The following PCF11 variants were observed in gnomAD, a reference collection of about 807,000 sequenced individuals.
PCF11 encodes pre-mRNA cleavage complex 2 protein Pcf11.
PCF11 carries 19 observed loss-of-function variants against 166.1 expected under a neutral mutation model. That is an observed-to-expected ratio of 0.11 (90% CI 0.08 to 0.17). The LOEUF (loss-of-function observed/expected upper bound fraction) is 0.17, where lower values mean the gene tolerates loss of function less well. Ranked by LOEUF, PCF11 falls within the 10% of genes least tolerant of loss-of-function variation. The pLI is 1.00. For synonymous variants in PCF11, 663 were observed against 644.1 expected (o/e 1.03, Z -0.44); for missense variants, 1,565 against 1,855.5 (o/e 0.84, Z 2.88).
exon 5 of PCF11, chr11:83,166,570 T>C (rs780763465): frequency 6.2e-7 from 1 of 1,613,760 alleles, no homozygotes. Flanking sequence ...CCAAGGCGAA[T>C]GAAAAAGACT....
Position 83,157,487 on chromosome 11 carries a change from G to C in PCF11, c.48G>C (p.Glu16Asp), listed in dbSNP as rs780116200. ...AGGCCGGTGCTGCGGGGGCCCGGGAGGACGCCTGTCGGGATTATCAGTCAT... is the reference window on the plus strand; with the variant it reads ...AGGCCGGTGCTGCGGGGGCCCGGGACGACGCCTGTCGGGATTATCAGTCAT... The change falls in exon 1 of 16, where the codon GAG (glutamate) becomes GAC (aspartate). Residue 16 changes from glutamate to aspartate, a missense_variant. This residue lies in a region of PCF11 where 29 missense variants were observed against 24.1 expected (regional missense o/e 1.21). Coordinates refer to ENST00000298281, the Ensembl canonical transcript of PCF11. The C allele has an allele frequency of 1.3e-5, 21 of 1,613,450 alleles. No individual in the cohort carries two copies. The East Asian group carries it at 2.9e-4, about 22-fold the overall frequency.
At position 83,177,214 on chromosome 11, in the gene PCF11, A is replaced by AT; in HGVS notation, c.3877+14dup. On this transcript the variant is annotated intron_variant, in intron 10 of 15. Coordinates refer to ENST00000298281, the Ensembl canonical transcript of PCF11. ...GATTCAGCTACAACACGTAAGTGTGATTTTATACTTAAATTTACACAAAGC... is the reference window on the plus strand; with the variant it reads ...GATTCAGCTACAACACGTAAGTGTGATTTTTATACTTAAATTTACACAAAGC... 6.6e-7 allele frequency: 1 copy of AT among 1,522,448 alleles called. No individual in the cohort carries two copies. Among genetic ancestry groups the AT allele is most frequent in the Non-Finnish European group, 8.8e-7 (1 of 1,135,472 alleles). 94.3% of individuals were successfully genotyped at this position (1,522,448 alleles called of 1,614,324 possible).
chr11:83,174,551 A>ATT (rs570113907), intron 9 of PCF11, among the ~76,000 whole-genome samples: 1 of 146,622 alleles, frequency 6.8e-6, no homozygotes, highest in African/African-American at 2.5e-5. Flanking sequence ...AAGGCTATTG[A>ATT]TTTTTTTTTT....
chr11:83,167,955 T>G lies in PCF11; in HGVS notation c.2092+450T>G, dbSNP rs909702886. 15 of 1,209,316 alleles carry G rather than the reference T, an allele frequency of 1.2e-5. No individual in the cohort carries two copies. Among genetic ancestry groups the G allele is most frequent in the Admixed American group, 2.9e-5 (1 of 34,058 alleles). The allele number at this position is 1,209,316 out of a possible 1,614,324, so 74.9% of individuals were successfully genotyped here. A position where few individuals can be genotyped will look rare whatever the true frequency, so the allele number is the denominator to read the frequency against. On this transcript the variant is annotated intron_variant, in intron 7 of 15. Transcript: ENST00000298281. The surrounding 1 kb of genome is among the most constrained non-coding windows in gnomAD (Gnocchi z 4.2). Reference sequence around the variant, plus strand: ...GAATCACACAGCAGTGAAGGGAAAATGAACAAGCTAAGTGGGGATGGATTT... The same window carrying G: ...GAATCACACAGCAGTGAAGGGAAAAGGAACAAGCTAAGTGGGGATGGATTT...
At chr11:83,177,859 C>A in intron 11 of PCF11, 40 bp downstream of exon 11, 1 of 889,748 alleles carries the variant, frequency 1.1e-6, no homozygotes, top group Non-Finnish European at 1.8e-6. Context: ...GAGGCAGTGA[C>A]TTTAATAACA....
exon 1 of PCF11, chr11:83,157,179 C>G: frequency 7.0e-6 from 4 of 575,118 alleles, no homozygotes; most frequent in South Asian, 2.2e-5. Flanking sequence ...CTGGAGCCGC[C>G]ACTGCCGCCG....
At chr11:83,168,374 A>C (rs1010926231) in intron 7 of PCF11, 54 bp from the exon 8 acceptor site, 4 of 1,444,598 alleles carry the variant, frequency 2.8e-6, no homozygotes, top group Non-Finnish European at 3.7e-6. Context: ...TTCATACGAA[A>C]ATAGAAGATT....
chr11:83,157,292 GTCCCCCA>G, exon 1 of PCF11: 3 of 682,506 alleles, frequency 4.4e-6, no homozygotes, highest in Non-Finnish European at 7.3e-6. Context: ...CCCCTGTGTC[GTCCCCCA>G]TCCCCCCTCC....
chr11:83,168,831 G>C lies in PCF11; in HGVS notation c.2496G>C (p.Leu832=). Residue 832 remains leucine (L), a synonymous_variant, in exon 8 of 16, where the codon CTG becomes CTC. Transcript: ENST00000298281. ...CTCCAGGACCAGTGGGGACACCTCT[G>C]CGGTTTGAGGGCCCAATTGGTCAAG... 4 of 1,613,782 alleles carry C rather than the reference G, an allele frequency of 2.5e-6. 1 individual carries two copies. The highest frequency in any genetic ancestry group is 2.5e-6 in the Non-Finnish European group (3 of 1,179,858).
exon 8 of PCF11, chr11:83,168,584 C>G (rs367841596): frequency 4.8e-5 from 77 of 1,613,808 alleles, no homozygotes; most frequent in Non-Finnish European, 6.1e-5. Context: ...GAAGACAGAC[C>G]GTTATTTGAT....
rs1047132404 is a variant in PCF11, at chr11:83,164,058, T to C, written c.508-149T>C. The C allele has an allele frequency of 2.5e-4, 151 of 615,348 alleles. No individual in the cohort carries two copies. The East Asian group carries it at 3.0e-3, about 12-fold the overall frequency. The allele number at this position is 615,348 out of a possible 1,614,324, so 38.1% of individuals were successfully genotyped here. A position where few individuals can be genotyped will look rare whatever the true frequency, so the allele number is the denominator to read the frequency against. On this transcript the variant is annotated intron_variant, in intron 3 of 15. Transcript: ENST00000298281. ...ATATATTCACCTTGTTTAGGTATTA[T>C]GTAACATTTATTTTGGGTTTTAAAT...
intron 8 of PCF11, among the ~76,000 whole-genome samples, chr11:83,170,971 C>T (rs968504805): frequency 3.3e-5 from 5 of 152,178 alleles, no homozygotes; most frequent in African/African-American, 1.2e-4. Flanking sequence ...GACAGATACT[C>T]TAGAATGGTA....
Position 83,167,574 on chromosome 11 carries a change from C to A in PCF11, c.2092+69C>A. On this transcript the variant is annotated intron_variant, in intron 7 of 15. Transcript: ENST00000298281. The surrounding 1 kb of genome is among the most constrained non-coding windows in gnomAD (Gnocchi z 4.2). ...TAAAGGTGGATTAAAAAAGAAACCT[C>A]TCTTATCTGATGCTGAATTAACCTA... The A allele has an allele frequency of 6.4e-7, 1 of 1,558,172 alleles. No homozygotes were observed. Among genetic ancestry groups the A allele is most frequent in the East Asian group, 2.4e-5 (1 of 42,044 alleles).
chr11:83,170,031 A>G, intron 8 of PCF11, 36 bp downstream of exon 8: 2 of 1,495,942 alleles, frequency 1.3e-6, no homozygotes, highest in Middle Eastern at 1.9e-4. Context: ...TTGTATGCAG[A>G]TAAGTTAACC....
At chr11:83,168,471 A>G (rs376110181) in exon 8 of PCF11, 1,006 of 1,611,256 alleles carry the variant, frequency 6.2e-4, no homozygotes, top group Non-Finnish European at 8.0e-4. Flanking sequence ...ATCGTTTTCC[A>G]CTTAAGCGAC....
At chr11:83,169,243 G>A in exon 8 of PCF11, 1 of 1,613,868 alleles carries the variant, frequency 6.2e-7, no homozygotes, top group Non-Finnish European at 8.5e-7. Context: ...TCTGAGATTT[G>A]AGGGACAACA....
At position 83,185,812 on chromosome 11, in the gene PCF11, T is replaced by TATTTC. The variant is rs1440248932; in HGVS notation, c.*919_*923dup. 1 of 152,638 alleles carries TATTTC rather than the reference T, an allele frequency of 6.6e-6. No homozygotes were observed. The highest frequency in any genetic ancestry group is 2.4e-5 in the African/African-American group (1 of 41,448). 9.5% of individuals were successfully genotyped at this position (152,638 alleles called of 1,614,324 possible). A position where few individuals can be genotyped will look rare whatever the true frequency, so the allele number is the denominator to read the frequency against. On this transcript the variant is annotated 3_prime_UTR_variant, in exon 16 of 16. Transcript: ENST00000298281. ...TGAAGAAACTTTGTTTGTACTTCTT[T>TATTTC]ATTTCTTGAAAAGCTTTAGAATGTG...
At chr11:83,166,629 G>A in exon 5 of PCF11, 1 of 1,613,120 alleles carries the variant, frequency 6.2e-7, no homozygotes, top group Non-Finnish European at 8.5e-7. Flanking sequence ...TACAAAGTCA[G>A]GCACTGAACC....
Position 83,177,818 on chromosome 11 carries a change from CA to C in PCF11, c.3983del (p.Gln1328HisfsTer7), listed in dbSNP as rs1860938471. 7.1e-7 allele frequency: 1 copy of C among 1,416,124 alleles called. No homozygotes were observed. The highest frequency in any genetic ancestry group is 2.0e-5 in the Admixed American group (1 of 49,332). 87.7% of individuals were successfully genotyped at this position (1,416,124 alleles called of 1,614,324 possible). ...TAATTTTACAGTTGAAGAATTGAAA[CA>C]GTATGTAATCTAATTTTCTTTAAGA... On this transcript the variant is annotated frameshift_variant and splice_region_variant, in exon 11 of 16. Transcript: ENST00000298281. LOFTEE classifies it high-confidence loss of function.
Sources: allele counts gnomAD v4.1 joint callset (sites outside exome capture counted in the v4.1 genomes callset), GRCh38; gene constraint gnomAD v4.1.1; regional missense constraint gnomAD v4.1.1; non-coding constraint Gnocchi (gnomAD v3.1); transcripts MANE v1.5; gene names NCBI Gene and HGNC (gene_info 2026-07-23, HGNC 2026-07-21).